The following RBL2 variants were observed in gnomAD, a reference collection of about 807,000 sequenced individuals.
RBL2 encodes retinoblastoma-like protein 2.
RBL2 carries 56 observed loss-of-function variants against 126.0 expected under a neutral mutation model. The observed-to-expected ratio is 0.44, with a 90% CI of 0.36 to 0.56. RBL2 has a LOEUF of 0.56. Ranked by LOEUF, RBL2 falls within the 20% of genes least tolerant of loss-of-function variation. RBL2 has a pLI of 0.00. For synonymous variants in RBL2, 454 were observed against 478.5 expected (o/e 0.95, Z 0.67); for missense variants, 1,229 against 1,398.2 (o/e 0.88, Z 1.93).
intron 17 of RBL2, among the ~76,000 whole-genome samples, chr16:53,473,353 G>T (rs1960595616): frequency 6.7e-6 from 1 of 148,774 alleles, no homozygotes; most frequent in Non-Finnish European, 1.5e-5. Context: ...TAGATCTTCT[G>T]TTTTTTTTTC....
At chr16:53,463,661 T>C (rs1011793144) in intron 11 of RBL2, among the ~76,000 whole-genome samples, 3 of 148,438 alleles carry the variant, frequency 2.0e-5, no homozygotes, top group Non-Finnish European at 4.4e-5. Flanking sequence ...CTCTACCTCC[T>C]GGGTTCAATT....
intron 5 of RBL2, 142 bp downstream of exon 5, chr16:53,451,973 A>G: frequency 1.1e-6 from 1 of 911,192 alleles, no homozygotes; most frequent in East Asian, 2.5e-5. Context: ...ACTAAGAGTC[A>G]AGCTGCCTGT....
chr16:53,444,901 C>T (rs1023593321), intron 3 of RBL2, among the ~76,000 whole-genome samples: 2 of 152,126 alleles, frequency 1.3e-5, no homozygotes, highest in Admixed American at 1.3e-4. Flanking sequence ...AAGCTTTGTA[C>T]TGAGTCTGAG....
intron 9 of RBL2, among the ~76,000 whole-genome samples, chr16:53,461,496 A>T (rs866973929): frequency 6.6e-6 from 1 of 152,046 alleles, no homozygotes; most frequent in African/African-American, 2.4e-5. Context: ...TGTCTCAAAA[A>T]AAATATATAT....
chr16:53,448,263 T>C (rs1417570966), intron 4 of RBL2, among the ~76,000 whole-genome samples: 4 of 151,568 alleles, frequency 2.6e-5, no homozygotes, highest in African/African-American at 9.7e-5. Context: ...GTTCAAGCAA[T>C]CTCCTGCCTC....
intron 18 of RBL2, chr16:53,479,431 T>A: frequency 1.8e-6 from 1 of 551,722 alleles, no homozygotes. Flanking sequence ...TGTTAAATAT[T>A]TGATTGCCTT....
intron 14 of RBL2, among the ~76,000 whole-genome samples, chr16:53,468,518 G>T (rs1023419430): frequency 4.6e-5 from 7 of 152,122 alleles, no homozygotes; most frequent in Non-Finnish European, 1.0e-4. Flanking sequence ...CTAATCTACA[G>T]ATTAGGAAGA....
At chr16:53,440,881 T>G (rs2058008246) in intron 2 of RBL2, among the ~76,000 whole-genome samples, 1 of 151,706 alleles carries the variant, frequency 6.6e-6, no homozygotes, top group Admixed American at 6.6e-5. Context: ...ATTGGGAAAA[T>G]TTGAAGTCTG....
chr16:53,479,944 A>C lies in RBL2; in HGVS notation c.2834A>C (p.Asp945Ala). 2 of 1,612,252 alleles carry C rather than the reference A, an allele frequency of 1.2e-6. No individual in the cohort carries two copies. Among genetic ancestry groups the C allele is most frequent in the Non-Finnish European group, 1.7e-6 (2 of 1,178,776 alleles). ...KRKRRNSGSS[D>A]SRSHQNSPTE... ...AAAAGAAGAAATTCTGGCAGCAGTG[A>C]TAGCAGAAGCCATCAGAATTCTCCA... is the stretch of plus-strand genomic sequence containing the variant. The change falls in exon 19 of 22, where the codon GAT (aspartate) becomes GCT (alanine). Residue 945 changes from aspartate (D) to alanine (A), a missense_variant. By Grantham distance (126) the Asp-to-Ala change is moderately radical. Transcript: ENST00000262133.
chr16:53,451,945 C>A, intron 5 of RBL2, 114 bp downstream of exon 5: 1 of 1,217,238 alleles, frequency 8.2e-7, no homozygotes, highest in African/African-American at 1.5e-5. Context: ...GTCATTACGG[C>A]TATCCAGGGT....
At chr16:53,467,413 A>T (rs544726531) in intron 14 of RBL2, among the ~76,000 whole-genome samples, 24 of 152,284 alleles carry the variant, frequency 1.6e-4, no homozygotes, top group African/African-American at 5.5e-4. Flanking sequence ...ATTGAGACAG[A>T]GTCTTGCTCT....
intron 1 of RBL2, among the ~76,000 whole-genome samples, chr16:53,436,476 A>G (rs992202556): frequency 4.6e-5 from 7 of 152,176 alleles, no homozygotes; most frequent in Non-Finnish European, 1.0e-4. Context: ...ATATTCATCA[A>G]ATATTTCTTG....
chr16:53,438,063 ATT>A (rs1456248283), intron 1 of RBL2, among the ~76,000 whole-genome samples: 2 of 152,062 alleles, frequency 1.3e-5, no homozygotes, highest in African/African-American at 4.8e-5. Flanking sequence ...AAACAATAAT[ATT>A]GTTTGCATTA....
At chr16:53,482,578 A>C (rs529882523) in intron 21 of RBL2, among the ~76,000 whole-genome samples, 11 of 152,230 alleles carry the variant, frequency 7.2e-5, no homozygotes, top group African/African-American at 2.4e-4. Flanking sequence ...GGGAGGCCAC[A>C]GTGGGCAGAT....
At chr16:53,443,133 C>G (rs2058031569) in intron 3 of RBL2, 1 of 177,882 alleles carries the variant, frequency 5.6e-6, no homozygotes, top group Admixed American at 6.2e-5. Context: ...CCTCAGTGAT[C>G]CTTGTTCTGA....
At chr16:53,446,850 C>CT (rs947247673) in intron 3 of RBL2, among the ~76,000 whole-genome samples, 192 bp from the exon 4 acceptor site, 11 of 152,310 alleles carry the variant, frequency 7.2e-5, no homozygotes, top group African/African-American at 2.4e-4. Context: ...GAGATGGGCT[C>CT]TTTCCCTGGA....
At chr16:53,435,542 A>G (rs2057950455) in intron 1 of RBL2, 4 of 1,197,838 alleles carry the variant, frequency 3.3e-6, no homozygotes, top group Non-Finnish European at 4.2e-6. Flanking sequence ...AAAAATGGCC[A>G]TTCTAGCCAG....
chr16:53,481,990 TTTG>T (rs1163423863), intron 21 of RBL2, among the ~76,000 whole-genome samples, 155 bp downstream of exon 21: 1 of 152,092 alleles, frequency 6.6e-6, no homozygotes, highest in Non-Finnish European at 1.5e-5. Context: ...CAGGGTTTGT[TTTG>T]TTTTTTGCCT....
chr16:53,454,535 C>G, intron 7 of RBL2, 121 bp from the exon 8 acceptor site: 1 of 914,850 alleles, frequency 1.1e-6, no homozygotes, highest in Non-Finnish European at 1.6e-6. Flanking sequence ...ACAAGTTACC[C>G]TACCAAAGTT....
Sources: gnomAD v4.1 joint callset for allele counts (sites outside exome capture counted in the v4.1 genomes callset) on GRCh38, gnomAD v4.1.1 for gene constraint, MANE v1.5 for transcripts, NCBI Gene and HGNC (gene_info 2026-07-23, HGNC 2026-07-21) for gene names.